The following NAA50 variants were observed in gnomAD, a reference collection of about 807,000 sequenced individuals.
The protein encoded by NAA50 is N-alpha-acetyltransferase 50, NatE catalytic subunit, also known as N-alpha-acetyltransferase 50.
In NAA50, 7 loss-of-function variants were observed where a neutral mutation model predicts 20.7. That is an observed-to-expected ratio of 0.34 (90% confidence interval 0.19 to 0.63). The LOEUF is 0.63. NAA50 is among the 30% of genes least tolerant of loss of function. The probability of loss-of-function intolerance (pLI) is 0.75; values close to 1 mark genes in which losing one functional copy is unlikely to be tolerated. For synonymous variants in NAA50, 54 were observed against 70.6 expected (o/e 0.77, Z 1.18); for missense variants, 111 against 199.1 (o/e 0.56, Z 2.66).
chr3:113,722,742 A>C (rs554679870), intron 4 of NAA50, among the ~76,000 whole-genome samples, 164 bp downstream of exon 4: 27 of 152,264 alleles, frequency 1.8e-4, no homozygotes, highest in African/African-American at 6.5e-4. Flanking sequence ...ATTATTAATA[A>C]AACAAAACTA....
rs1028004267 is a variant in NAA50, at chr3:113,720,476, C to T, written c.*1284G>A. On this transcript the variant is annotated 3_prime_UTR_variant, in exon 5 of 5. Coordinates refer to ENST00000240922, the MANE Select transcript of NAA50 (RefSeq NM_025146.4). ...TCTGTCAAAGCCACTCCGTGTGTGCCGGAAAATGATCTGGCATAAACCAGT... is the reference window on the plus strand; with the variant it reads ...TCTGTCAAAGCCACTCCGTGTGTGCTGGAAAATGATCTGGCATAAACCAGT... 2.0e-5 allele frequency: 3 copies of T among 152,508 alleles called. No homozygotes were observed. The highest frequency in any genetic ancestry group is 7.2e-5 in the African/African-American group (3 of 41,396). The allele number at this position is 152,508 out of a possible 1,614,324, so 9.4% of individuals were successfully genotyped here.
chr3:113,718,064 G>A lies in NAA50; in HGVS notation c.*3696C>T, dbSNP rs1400676748. ...ATATGGCAGAAATAATGTCACCTGA[G>A]GCTACGTCATAAAAAAGTATGGTTT... On this transcript the variant is annotated 3_prime_UTR_variant, in exon 5 of 5. Transcript: ENST00000240922. 1 of 152,106 alleles carries A rather than the reference G, an allele frequency of 6.6e-6. No individual in the cohort carries two copies. Among genetic ancestry groups the A allele is most frequent in the African/African-American group, 2.4e-5 (1 of 41,412 alleles). 9.4% of individuals were successfully genotyped at this position (152,106 alleles called of 1,614,324 possible).
At chr3:113,729,372 TTTCA>T (rs201606510) in intron 1 of NAA50, among the ~76,000 whole-genome samples, 1,811 of 152,362 alleles carry the variant, frequency 0.012, 27 homozygotes, top group Non-Finnish European at 0.018. Flanking sequence ...CTTTCTGCTG[TTTCA>T]TTCAATCAAT....
At chr3:113,735,393 C>T (rs933883488) in intron 1 of NAA50, among the ~76,000 whole-genome samples, 3 of 152,204 alleles carry the variant, frequency 2.0e-5, no homozygotes, top group African/African-American at 7.2e-5. Context: ...TAACACCCAT[C>T]TAAATTAAAT....
At chr3:113,723,698 A>G in intron 2 of NAA50, 157 bp from the exon 3 acceptor site, 1 of 937,278 alleles carries the variant, frequency 1.1e-6, no homozygotes, top group Non-Finnish European at 1.5e-6. Context: ...CATCTTAGGA[A>G]GTTTAAGCCT....
intron 1 of NAA50, chr3:113,740,924 A>C: frequency 2.0e-6 from 1 of 497,562 alleles, no homozygotes; most frequent in Non-Finnish European, 4.0e-6. Context: ...CATCATAAGG[A>C]CTAGCGATGG....
At chr3:113,731,715 C>T (rs1244737571) in intron 1 of NAA50, among the ~76,000 whole-genome samples, 1 of 152,176 alleles carries the variant, frequency 6.6e-6, no homozygotes, top group Non-Finnish European at 1.5e-5. Flanking sequence ...TGGAAGCACA[C>T]AAGAAAAGTG....
At chr3:113,738,500 A>C (rs1041214904) in intron 1 of NAA50, among the ~76,000 whole-genome samples, 1 of 152,200 alleles carries the variant, frequency 6.6e-6, no homozygotes, top group African/African-American at 2.4e-5. Flanking sequence ...TTTATGTCCT[A>C]TTTTAATCTC....
intron 2 of NAA50, 174 bp from the exon 3 acceptor site, chr3:113,723,715 G>A (rs1431112844): frequency 4.8e-6 from 4 of 837,434 alleles, no homozygotes; most frequent in Non-Finnish European, 7.0e-6. Flanking sequence ...GCCTCCTCTA[G>A]AGTATAGCTT....
Position 113,724,019 on chromosome 3 carries a change from C to T in NAA50, c.85G>A (p.Val29Ile). The change falls in exon 2 of 5, where the codon GTC (valine) becomes ATC (isoleucine). Residue 29 changes from valine to isoleucine, a missense_variant. Val to Ile is a conservative substitution (Grantham distance 29). Coordinates refer to ENST00000240922, the MANE Select transcript of NAA50 (RefSeq NM_025146.4). ...TTGTAGAACTTGTCATTGTAGCTGACTGGAAAGATGACCTGATTCAATCTT... is the reference window on the plus strand; with the variant it reads ...TTGTAGAACTTGTCATTGTAGCTGATTGGAAAGATGACCTGATTCAATCTT... ...LKRLNQVIFPVSYNDKFYKDV... is the reference protein window; with the variant it reads ...LKRLNQVIFPISYNDKFYKDV... 1 of 1,611,762 alleles carries T rather than the reference C, an allele frequency of 6.2e-7. No individual in the cohort carries two copies. The highest frequency in any genetic ancestry group is 1.3e-5 in the African/African-American group (1 of 74,974).
rs1383020245 is a variant in NAA50, at chr3:113,746,178, C to A, written c.-229G>T. On this transcript the variant is annotated 5_prime_UTR_variant, in exon 1 of 5. Coordinates refer to ENST00000240922, the MANE Select transcript of NAA50 (RefSeq NM_025146.4). ...GCGCTTGTGCCGCCGCTTCTCCACA[C>A]GTGCACTCGGGTCTCTCGGCTCCCT... 5.6e-6 allele frequency: 3 copies of A among 538,894 alleles called. No individual in the cohort carries two copies. The South Asian group carries it at 6.8e-5, about 12-fold the overall frequency. The allele number at this position is 538,894 out of a possible 1,614,324, so 33.4% of individuals were successfully genotyped here.
intron 1 of NAA50, among the ~76,000 whole-genome samples, chr3:113,728,093 G>C (rs1311900764): frequency 7.4e-6 from 1 of 135,546 alleles, no homozygotes; most frequent in Admixed American, 7.2e-5. Flanking sequence ...AAAAAAAAAA[G>C]GCATAAGCAT....
chr3:113,728,544 T>C (rs1708229969), intron 1 of NAA50, among the ~76,000 whole-genome samples: 1 of 152,180 alleles, frequency 6.6e-6, no homozygotes, highest in Non-Finnish European at 1.5e-5. Context: ...AAAACAGCAG[T>C]GATGTAGTCC....
At chr3:113,728,078 T>C (rs1708222713) in intron 1 of NAA50, among the ~76,000 whole-genome samples, 1 of 126,758 alleles carries the variant, frequency 7.9e-6, no homozygotes, top group African/African-American at 2.9e-5. Context: ...GAACACGGAG[T>C]TAAAAAAAAA....
rs769831240 is a variant in NAA50 at position 113,721,758 on chromosome 3, G to C, written c.*2C>G. Reference sequence around the variant, plus strand: ...GTGCAAGAAAGTTCATTTGTAATTTGTTCAGTTGTCTGTCTTTTGCACATC... The same window carrying C: ...GTGCAAGAAAGTTCATTTGTAATTTCTTCAGTTGTCTGTCTTTTGCACATC... On this transcript the variant is annotated 3_prime_UTR_variant, in exon 5 of 5. Transcript: ENST00000240922. The C allele has an allele frequency of 1.9e-6, 3 of 1,613,552 alleles. No individual in the cohort carries two copies. Among genetic ancestry groups the C allele is most frequent in the Admixed American group, 3.3e-5 (2 of 59,950 alleles).
intron 1 of NAA50, among the ~76,000 whole-genome samples, chr3:113,738,849 T>C (rs1708377819): frequency 1.3e-5 from 2 of 152,164 alleles, no homozygotes; most frequent in African/African-American, 4.8e-5. Context: ...GTACAAAATA[T>C]TTTCCTTGCT....
At chr3:113,727,740 G>A (rs192847289) in intron 1 of NAA50, among the ~76,000 whole-genome samples, 6 of 151,532 alleles carry the variant, frequency 4.0e-5, no homozygotes, top group South Asian at 4.2e-4. Flanking sequence ...TTTTCTATGC[G>A]CGTTATATAT....
At chr3:113,740,905 C>A in intron 1 of NAA50, 1 of 466,300 alleles carries the variant, frequency 2.1e-6, no homozygotes, top group South Asian at 1.8e-5. Flanking sequence ...CTAGAGTTTT[C>A]AATGACTCCA....
intron 1 of NAA50, chr3:113,745,656 C>T (rs2107998901): frequency 2.3e-6 from 1 of 429,530 alleles, no homozygotes; most frequent in African/African-American, 2.1e-5. Flanking sequence ...AATAGCCTTT[C>T]CATGTTGCCC....
Sources: allele counts gnomAD v4.1 joint callset (sites outside exome capture counted in the v4.1 genomes callset), GRCh38; gene constraint gnomAD v4.1.1; transcripts MANE v1.5; gene names NCBI Gene and HGNC (gene_info 2026-07-23, HGNC 2026-07-21).